FOXJ3: variants seen among roughly 807,000 people sequenced by gnomAD.
FOXJ3 encodes the protein forkhead box J3.
FOXJ3 carries 22 observed loss-of-function variants against 76.1 expected under a neutral mutation model. The ratio of observed to expected loss-of-function variants is 0.29; its 90% CI spans 0.21 to 0.41. The LOEUF (loss-of-function observed/expected upper bound fraction) is 0.41. Ranked by LOEUF, FOXJ3 falls within the 10% of genes least tolerant of loss-of-function variation. The pLI is 1.00. For missense variants in FOXJ3, 613 were observed against 762.1 expected, an observed-to-expected ratio of 0.80 and a Z score of 2.30; for synonymous variants, 269 against 261.2, an observed-to-expected ratio of 1.03 and a Z score of -0.29.
intron 4 of FOXJ3, among the ~76,000 whole-genome samples, chr1:42,230,559 T>A (rs1647997885): frequency 6.6e-6 from 1 of 152,200 alleles, no homozygotes; most frequent in Admixed American, 6.5e-5. Context: ...ATTTTAATAA[T>A]TTTCTGCATG....
chr1:42,181,865 T>TCACACACACACA (rs143175153), intron 12 of FOXJ3, 52 bp downstream of exon 12: 7 of 964,582 alleles, frequency 7.3e-6, no homozygotes, highest in South Asian at 3.3e-5. Context: ...CCTGGAGTGC[T>TCACACACACACA]CACACACACA....
At chr1:42,293,608 G>C (rs181405335) in intron 2 of FOXJ3, among the ~76,000 whole-genome samples, 1 of 152,294 alleles carries the variant, frequency 6.6e-6, no homozygotes, top group Admixed American at 6.5e-5. Flanking sequence ...AAGCATGAAT[G>C]AGTATCTCCA....
chr1:42,332,123 G>A (rs1158739295), intron 1 of FOXJ3, among the ~76,000 whole-genome samples: 1 of 152,136 alleles, frequency 6.6e-6, no homozygotes, highest in Non-Finnish European at 1.5e-5. Flanking sequence ...CCCTGCCCTT[G>A]TAGAAAATCT....
At chr1:42,304,259 C>A (rs1654328171) in intron 2 of FOXJ3, among the ~76,000 whole-genome samples, 1 of 151,386 alleles carries the variant, frequency 6.6e-6, no homozygotes, top group African/African-American at 2.4e-5. Context: ...AAGAAGACAC[C>A]AAGAAAAGGA....
chr1:42,266,673 G>A (rs1344240050), intron 3 of FOXJ3, among the ~76,000 whole-genome samples: 2 of 152,146 alleles, frequency 1.3e-5, no homozygotes, highest in East Asian at 3.9e-4. Flanking sequence ...AGAAAAAATA[G>A]GGGTAGGAAA....
At chr1:42,318,268 T>C (rs760912887) in intron 1 of FOXJ3, among the ~76,000 whole-genome samples, 3 of 152,216 alleles carry the variant, frequency 2.0e-5, no homozygotes, top group Non-Finnish European at 2.9e-5. Context: ...TGAACAGACA[T>C]TTCTACAAAG....
At chr1:42,216,346 G>C (rs973676914) in intron 5 of FOXJ3, among the ~76,000 whole-genome samples, 3 of 151,580 alleles carry the variant, frequency 2.0e-5, no homozygotes, top group Non-Finnish European at 2.9e-5. Flanking sequence ...GTGAAACCCC[G>C]TCTCTACTAA....
At chr1:42,284,025 A>G (rs1339649959) in intron 2 of FOXJ3, among the ~76,000 whole-genome samples, 1 of 152,164 alleles carries the variant, frequency 6.6e-6, no homozygotes, top group Admixed American at 6.5e-5. Flanking sequence ...ACAGAGAAAA[A>G]GTCTGGGTCC....
At chr1:42,189,937 G>A (rs145385725) in intron 9 of FOXJ3, 2 of 152,408 alleles carry the variant, frequency 1.3e-5, no homozygotes, top group East Asian at 1.9e-4. Flanking sequence ...AGATCATATA[G>A]TAAGAGTAAA....
At chr1:42,221,556 C>T (rs555476878) in intron 5 of FOXJ3, among the ~76,000 whole-genome samples, 74 of 152,032 alleles carry the variant, frequency 4.9e-4, no homozygotes, top group African/African-American at 1.6e-3. Context: ...CCTGGGCTCA[C>T]GCAATCCTCT....
intron 1 of FOXJ3, among the ~76,000 whole-genome samples, chr1:42,323,137 T>C (rs1393821820): frequency 6.6e-6 from 1 of 152,154 alleles, no homozygotes; most frequent in East Asian, 1.9e-4. Flanking sequence ...GAAAACACTT[T>C]CTAGCCTTCC....
chr1:42,318,984 A>G (rs1655278289), intron 1 of FOXJ3, among the ~76,000 whole-genome samples: 1 of 152,198 alleles, frequency 6.6e-6, no homozygotes. Context: ...TAATCCCAGC[A>G]CTGTGGGAGG....
chr1:42,334,711 G>T (rs1023671065), intron 1 of FOXJ3, among the ~76,000 whole-genome samples: 1 of 152,164 alleles, frequency 6.6e-6, no homozygotes, highest in Non-Finnish European at 1.5e-5. Context: ...TGGAGGGAAG[G>T]AGACGGTCGC....
Position 42,229,690 on chromosome 1 carries a change from C to T in FOXJ3, c.445-1724G>A, listed in dbSNP as rs546557271. The stretch of plus-strand genomic sequence containing the variant: ...AGGAACTACAAACTTGCCAAGAACC[C>T]TATAAAATGCAGATGCTACAAAAAG... On this transcript the variant is annotated intron_variant, in intron 4 of 12. Transcript: ENST00000361346. Among the ~76,000 whole-genome samples, 13 of 152,166 alleles carry T rather than the reference C, an allele frequency of 8.5e-5. No homozygotes were observed. In the South Asian group the frequency reaches 2.7e-3, roughly 32 times the overall value.
intron 2 of FOXJ3, among the ~76,000 whole-genome samples, chr1:42,303,839 GAA>G (rs1239186511): frequency 6.6e-6 from 1 of 152,142 alleles, no homozygotes; most frequent in African/African-American, 2.4e-5. Flanking sequence ...CAGAAATGCA[GAA>G]AGTGTTCCAT....
chr1:42,297,724 T>C (rs894255130), intron 2 of FOXJ3, among the ~76,000 whole-genome samples: 1 of 152,206 alleles, frequency 6.6e-6, no homozygotes, highest in East Asian at 1.9e-4. Flanking sequence ...TCTTTTCTGG[T>C]TGTGTCCTTG....
chr1:42,183,274 G>C (rs1163873354), intron 11 of FOXJ3, among the ~76,000 whole-genome samples: 1 of 125,242 alleles, frequency 8.0e-6, no homozygotes, highest in Non-Finnish European at 1.7e-5. Context: ...AGAGAGGAGA[G>C]CGGAGAGGGT....
chr1:42,209,060 T>C (rs1483070710), intron 5 of FOXJ3, among the ~76,000 whole-genome samples: 1 of 152,166 alleles, frequency 6.6e-6, no homozygotes, highest in Non-Finnish European at 1.5e-5. Flanking sequence ...ATTCTCTAAG[T>C]CAGGTACTAT....
At chr1:42,297,397 C>G (rs971039287) in intron 2 of FOXJ3, among the ~76,000 whole-genome samples, 3 of 152,168 alleles carry the variant, frequency 2.0e-5, no homozygotes, top group Non-Finnish European at 4.4e-5. Flanking sequence ...ATGATGTTGT[C>G]TGTAGGTTTG....
Sources: gnomAD v4.1 joint callset for allele counts (sites outside exome capture counted in the v4.1 genomes callset) on GRCh38, gnomAD v4.1.1 for gene constraint, MANE v1.5 for transcripts, NCBI Gene and HGNC (gene_info 2026-07-23, HGNC 2026-07-21) for gene names.